Variants in FAM228B observed in about 807,000 individuals in gnomAD.
FAM228B encodes the protein family with sequence similarity 228 member B.
In FAM228B, 38 loss-of-function variants were observed where a neutral mutation model predicts 42.6. The observed-to-expected ratio is 0.89, with a 90% CI of 0.69 to 1.17. The LOEUF (loss-of-function observed/expected upper bound fraction) is 1.17. FAM228B is among the 50% of genes most tolerant of loss of function. FAM228B has a pLI of 0.00. For missense variants in FAM228B, 344 were observed against 367.3 expected, an observed-to-expected ratio of 0.94 and a Z score of 0.52; for synonymous variants, 109 against 122.3, an observed-to-expected ratio of 0.89 and a Z score of 0.72.
intron 2 of FAM228B, among the ~76,000 whole-genome samples, chr2:24,094,808 T>C (rs1259393360): frequency 6.6e-6 from 1 of 152,164 alleles, no homozygotes; most frequent in East Asian, 1.9e-4. Flanking sequence ...AATATATCAA[T>C]TGGGCCGGGT....
intron 8 of FAM228B, among the ~76,000 whole-genome samples, chr2:24,163,761 G>T (rs1325490213): frequency 2.0e-5 from 3 of 152,208 alleles, no homozygotes; most frequent in African/African-American, 7.2e-5. Context: ...TTCTGGAGTA[G>T]TGGGTTCCTG....
chr2:24,124,489 G>A lies in FAM228B; in HGVS notation c.99+29G>A, dbSNP rs1230961244. The stretch of plus-strand genomic sequence containing the variant: ...TATATCAAATAGTGTGGGATTTGGA[G>A]ATTTTTTTACTTGGATCGTTGCAGT... On this transcript the variant is annotated intron_variant, in intron 2 of 10. Coordinates refer to ENST00000615575, the MANE Select transcript of FAM228B (RefSeq NM_001145710.2). The A allele has an allele frequency of 2.1e-6, 3 of 1,435,934 alleles. No individual in the cohort carries two copies. The East Asian group carries it at 7.5e-5, about 36-fold the overall frequency. The allele number at this position is 1,435,934 out of a possible 1,614,324, so 88.9% of individuals were successfully genotyped here.
chr2:24,167,593 A>G, intron 9 of FAM228B, 34 bp from the exon 10 acceptor site: 9 of 1,551,238 alleles, frequency 5.8e-6, no homozygotes, highest in African/African-American at 1.4e-5. Context: ...AGTCTCGTAT[A>G]ACATAATGAC....
At chr2:24,164,566 ACACGATGAGGGTGCCCCCTGGTGGAG>A (rs1412523875) in intron 9 of FAM228B, among the ~76,000 whole-genome samples, 15 of 149,760 alleles carry the variant, frequency 1.0e-4, no homozygotes, top group Non-Finnish European at 2.1e-4. Context: ...TGGTGGAGCC[ACACGATGAGGGTGCCCCCTGGTGGAG>A]CCACACGATG....
intron 7 of FAM228B, among the ~76,000 whole-genome samples, chr2:24,160,642 T>C (rs1255994616): frequency 6.6e-6 from 1 of 152,214 alleles, no homozygotes; most frequent in Non-Finnish European, 1.5e-5. Context: ...CTCTTATTGC[T>C]TTCTTATCTT....
chr2:24,163,091 CATA>C (rs550917090), intron 8 of FAM228B, among the ~76,000 whole-genome samples: 146 of 152,116 alleles, frequency 9.6e-4, no homozygotes, highest in Non-Finnish European at 1.3e-3. Context: ...TAAAATTGTT[CATA>C]ATAATAATAA....
Position 24,169,491 on chromosome 2 carries a change from T to C in FAM228B, c.*150T>C. On this transcript the variant is annotated 3_prime_UTR_variant, in exon 11 of 11. Transcript: ENST00000615575. This position sits in a 1 kb window ranked among gnomAD's most constrained non-coding sequence, Gnocchi z 4.2. ...AGGACGGCACTCAAGAATTGTCCTG[T>C]CTCTAAAAAAAAAGCATCTGCAACG... is the stretch of plus-strand genomic sequence containing the variant. The C allele has an allele frequency of 3.2e-6, 1 of 313,566 alleles. No homozygotes were observed. Among genetic ancestry groups the C allele is most frequent in the Non-Finnish European group, 7.5e-6 (1 of 133,948 alleles). The allele number at this position is 313,566 out of a possible 1,614,324, so 19.4% of individuals were successfully genotyped here. A position where few individuals can be genotyped will look rare whatever the true frequency, so the allele number is the denominator to read the frequency against.
intron 2 of FAM228B, among the ~76,000 whole-genome samples, chr2:24,090,645 C>G (rs570813174): frequency 6.6e-6 from 1 of 151,094 alleles, no homozygotes; most frequent in East Asian, 1.9e-4. Flanking sequence ...ATTGGGAAGT[C>G]TATCAATACA....
At chr2:24,093,100 C>T (rs1665424471) in intron 2 of FAM228B, among the ~76,000 whole-genome samples, 1 of 152,068 alleles carries the variant, frequency 6.6e-6, no homozygotes. Flanking sequence ...AAAAGCATGT[C>T]CCAAAACTAT....
chr2:24,080,637 G>A lies in FAM228B; in HGVS notation c.-289-239G>A. On this transcript the variant is annotated intron_variant, in intron 1 of 10. Coordinates refer to the FAM228B transcript ENST00000613899. The surrounding 1 kb of genome is among the most constrained non-coding windows in gnomAD (Gnocchi z 4.7). ...AAGAATGCACATGGAAACCATCTTAGATTTAAATATGACTGCCTGTCTCCA... is the reference window on the plus strand; with the variant it reads ...AAGAATGCACATGGAAACCATCTTAAATTTAAATATGACTGCCTGTCTCCA... The A allele has an allele frequency of 1.4e-6, 1 of 694,856 alleles. No homozygotes were observed. Among genetic ancestry groups the A allele is most frequent in the Non-Finnish European group, 2.6e-6 (1 of 390,942 alleles). 43.0% of individuals were successfully genotyped at this position (694,856 alleles called of 1,614,324 possible).
chr2:24,142,994 A>G (rs1666791471), intron 5 of FAM228B, among the ~76,000 whole-genome samples: 1 of 152,240 alleles, frequency 6.6e-6, no homozygotes, highest in South Asian at 2.1e-4. Context: ...AGTGCAAGAT[A>G]GACTAATGGA....
At chr2:24,136,413 G>A (rs575537692) in intron 3 of FAM228B, among the ~76,000 whole-genome samples, 39 of 152,266 alleles carry the variant, frequency 2.6e-4, no homozygotes, top group African/African-American at 5.5e-4. Context: ...TAGTAGAGAC[G>A]TGGTTTCACC....
chr2:24,121,278 G>T, upstream of FAM228B: 4 of 1,614,148 alleles, frequency 2.5e-6, no homozygotes, highest in Non-Finnish European at 3.4e-6. Context: ...ATTCACCAGT[G>T]TTCGGACATC....
intron 3 of FAM228B, among the ~76,000 whole-genome samples, chr2:24,101,874 G>A (rs1665616536): frequency 1.3e-5 from 2 of 152,050 alleles, no homozygotes; most frequent in African/African-American, 4.8e-5. Context: ...AGTAGATACC[G>A]GGTTTCACCG....
At chr2:24,082,314 CT>C (rs950316902) in intron 2 of FAM228B, among the ~76,000 whole-genome samples, 1 of 152,166 alleles carries the variant, frequency 6.6e-6, no homozygotes, top group Non-Finnish European at 1.5e-5. Context: ...CTTGGCATGC[CT>C]TATGTCCTTC....
At chr2:24,151,517 C>G (rs1206847274) in intron 7 of FAM228B, among the ~76,000 whole-genome samples, 1 of 151,824 alleles carries the variant, frequency 6.6e-6, no homozygotes, top group Non-Finnish European at 1.5e-5. Flanking sequence ...GTCTCAAACT[C>G]CTGACGTCAG....
rs569502218 is a variant in FAM228B at position 24,082,822 on chromosome 2, A to G, written c.-210+1867A>G. The stretch of plus-strand genomic sequence containing the variant: ...TGCCCTGGGGGATTGCTGGGATTCA[A>G]GTTGGCTGATTTATGAAGGTGTTGA... On this transcript the variant is annotated intron_variant, in intron 2 of 10. Transcript: ENST00000613899. 4 of 1,518,612 alleles carry G rather than the reference A, an allele frequency of 2.6e-6. No individual in the cohort carries two copies. The Admixed American group carries it at 6.1e-5, about 23-fold the overall frequency. 94.1% of individuals were successfully genotyped at this position (1,518,612 alleles called of 1,614,324 possible). A position where few individuals can be genotyped will look rare whatever the true frequency, so the allele number is the denominator to read the frequency against.
chr2:24,119,461 C>T, upstream of FAM228B: 1 of 705,048 alleles, frequency 1.4e-6, no homozygotes, highest in Non-Finnish European at 2.4e-6. Flanking sequence ...CCTCAGCATC[C>T]TTCCAATAAA....
chr2:24,097,012 A>G (rs1251702841), intron 3 of FAM228B: 1 of 152,202 alleles, frequency 6.6e-6, no homozygotes, highest in Non-Finnish European at 1.5e-5. Flanking sequence ...AGAATTTCAT[A>G]TCTAGCCAAA....
Sources: gnomAD v4.1 joint callset for allele counts (sites outside exome capture counted in the v4.1 genomes callset) on GRCh38, gnomAD v4.1.1 for gene constraint, Gnocchi (gnomAD v3.1) non-coding constraint, MANE v1.5 for transcripts, NCBI Gene and HGNC (gene_info 2026-07-23, HGNC 2026-07-21) for gene names.